The following CCIN variants were observed in gnomAD, a reference collection of about 807,000 sequenced individuals.
CCIN encodes the protein testis tissue sperm-binding protein Li 65n.
A neutral mutation model predicts 32.2 loss-of-function variants in CCIN; 15 were observed. The ratio of observed to expected loss-of-function variants is 0.47; its 90% CI spans 0.31 to 0.72. The LOEUF (loss-of-function observed/expected upper bound fraction) is 0.72. CCIN is among the 30% of genes least tolerant of loss of function. The pLI, the probability that CCIN is intolerant of heterozygous loss-of-function variation, is 0.05. For missense variants in CCIN, 623 were observed against 759.4 expected (o/e 0.82, Z 2.11); for synonymous variants, 302 against 297.4 (o/e 1.02, Z -0.16).
rs1400987172 is a variant in CCIN at position 36,169,495 on chromosome 9, G to A, written c.-8G>A. 6.2e-7 allele frequency: 1 copy of A among 1,614,070 alleles called. No individual in the cohort carries two copies. Among genetic ancestry groups the A allele is most frequent in the Admixed American group, 1.7e-5 (1 of 60,022 alleles). On this transcript the variant is annotated 5_prime_UTR_variant, in exon 1 of 1. Transcript: ENST00000335119. ...GCTGCTGATCTGTTTCAGCCGACAA[G>A]AGGCACCATGAAATTGGAATTCACG...
rs761530671 is a variant in CCIN at position 36,170,137 on chromosome 9, G to A, written c.635G>A (p.Arg212Gln). 4.3e-6 allele frequency: 7 copies of A among 1,614,218 alleles called. No individual in the cohort carries two copies. Among genetic ancestry groups the A allele is most frequent in the East Asian group, 2.2e-5 (1 of 44,888 alleles). The change falls in exon 1 of 1, where the codon CGG (arginine) becomes CAG (glutamine). Residue 212 changes from arginine (R) to glutamine (Q), a missense_variant. By Grantham distance (43) the Arg-to-Gln change is conservative (BLOSUM62 1). Transcript: ENST00000335119. ...TGGGTGTACTTCCGGAAGGAGGATCGGGAGAAGTATTTCAAGAAGTTCTTC... is the reference window on the plus strand; with the variant it reads ...TGGGTGTACTTCCGGAAGGAGGATCAGGAGAAGTATTTCAAGAAGTTCTTC... Reference protein sequence around the residue: ...INWVYFRKEDREKYFKKFFNY... With the variant: ...INWVYFRKEDQEKYFKKFFNY...
At position 36,170,254 on chromosome 9, in the gene CCIN, C is replaced by T; in HGVS notation, c.752C>T (p.Thr251Ile). Reference sequence around the variant, plus strand: ...ATGGAGAACACCTCATCCCATACAACCCTGATTGAGAGTGTCCTGATGGAC... The same window carrying T: ...ATGGAGAACACCTCATCCCATACAATCCTGATTGAGAGTGTCCTGATGGAC... ...VGMENTSSHT[T>I]LIESVLMDRK... Residue 251 changes from threonine to isoleucine, a missense_variant, in exon 1 of 1, where the codon ACC becomes ATC. Physicochemically the swap from Thr to Ile is moderately conservative, Grantham distance 89 (BLOSUM62 -1). Coordinates refer to ENST00000335119, the MANE Select transcript of CCIN (RefSeq NM_005893.3). 3 of 1,614,170 alleles carry T rather than the reference C, an allele frequency of 1.9e-6. No homozygotes were observed. Among genetic ancestry groups the T allele is most frequent in the Non-Finnish European group, 1.7e-6 (2 of 1,180,012 alleles).
At position 36,169,766 on chromosome 9, in the gene CCIN, C is replaced by T; in HGVS notation, c.264C>T (p.Tyr88=). ...TCACAGTGGACCAGCTTCTGGACTACTTCTATAGCGGCAAGGTGGTGATCT... is the reference window on the plus strand; with the variant it reads ...TCACAGTGGACCAGCTTCTGGACTATTTCTATAGCGGCAAGGTGGTGATCT... ...SPVTVDQLLD[Y]FYSGKVVISE... is the part of the protein sequence containing the mutation. The change falls in exon 1 of 1, where the codon TAC becomes TAT. Residue 88 remains tyrosine, a synonymous_variant. Transcript: ENST00000335119. 1.9e-6 allele frequency: 3 copies of T among 1,614,208 alleles called. No individual in the cohort carries two copies. The highest frequency in any genetic ancestry group is 2.5e-6 in the Non-Finnish European group (3 of 1,180,038).
chr9:36,169,823 G>A lies in CCIN; in HGVS notation c.321G>A (p.Gly107=), dbSNP rs147982335. The change falls in exon 1 of 1, where the codon GGG becomes GGA. Residue 107 remains glycine (G), a synonymous_variant. Coordinates refer to ENST00000335119, the MANE Select transcript of CCIN (RefSeq NM_005893.3). ...AAAATGTGGAGGAGCTGCTTCGTGG[G>A]GCTCAGTATTTCAACACACCACGCC... ...SEQNVEELLR[G]AQYFNTPRLR... 18 of 1,614,022 alleles carry A rather than the reference G, an allele frequency of 1.1e-5. No individual in the cohort carries two copies. The Admixed American group carries it at 1.7e-4, about 15-fold the overall frequency.
In CCIN at chr9:36,171,126, A is replaced by G; in HGVS notation, c.1624A>G (p.Lys542Glu). 2 of 1,614,198 alleles carry G rather than the reference A, an allele frequency of 1.2e-6. No homozygotes were observed. The highest frequency in any genetic ancestry group is 1.7e-6 in the Non-Finnish European group (2 of 1,180,036). ...CACCACTGCCAGCGATGTCCAGACA[A>G]AGGACTACACCATCAATCCAAATGC... ...GVTTASDVQT[K>E]DYTINPNAFL... Residue 542 changes from lysine to glutamate, a missense_variant, in exon 1 of 1, where the codon AAG becomes GAG. Transcript: ENST00000335119.
In CCIN at chr9:36,169,670, C is replaced by T. The variant is rs574443599; in HGVS notation, c.168C>T (p.Leu56=). 6.8e-6 allele frequency: 11 copies of T among 1,614,210 alleles called. No individual in the cohort carries two copies. Among genetic ancestry groups the T allele is most frequent in the Admixed American group, 3.3e-5 (2 of 60,024 alleles). ...LAAVSPLVRS[L]ISSNDMKTAD... is the part of the protein sequence containing the mutation. Reference sequence around the variant, plus strand: ...CTGTCTCCCCACTGGTGAGGAGCCTCATCTCCAGCAATGACATGAAGACCG... The same window carrying T: ...CTGTCTCCCCACTGGTGAGGAGCCTTATCTCCAGCAATGACATGAAGACCG... Residue 56 remains leucine, a synonymous_variant, in exon 1 of 1, where the codon CTC becomes CTT. Coordinates refer to ENST00000335119, the MANE Select transcript of CCIN (RefSeq NM_005893.3).
rs1240070673 is a variant in CCIN at position 36,169,452 on chromosome 9, G to A, written c.-51G>A. 2.5e-6 allele frequency: 4 copies of A among 1,580,538 alleles called. No individual in the cohort carries two copies. Among genetic ancestry groups the A allele is most frequent in the Non-Finnish European group, 3.5e-6 (4 of 1,152,758 alleles). On this transcript the variant is annotated 5_prime_UTR_variant, in exon 1 of 1. Transcript: ENST00000335119. ...AATCTGATCCCACAGGCCTGAGAAA[G>A]TCTGCTCTCCAGTACCTGCTGCTGA...
chr9:36,169,627 A>T lies in CCIN; in HGVS notation c.125A>T (p.His42Leu), dbSNP rs746986151. 6.2e-7 allele frequency: 1 copy of T among 1,614,080 alleles called. No individual in the cohort carries two copies. The highest frequency in any genetic ancestry group is 1.3e-5 in the African/African-American group (1 of 74,932). The change falls in exon 1 of 1, where the codon CAT (histidine) becomes CTT (leucine). Residue 42 changes from histidine to leucine, a missense_variant. By Grantham distance (99) the His-to-Leu change is moderately conservative. Coordinates refer to ENST00000335119, the MANE Select transcript of CCIN (RefSeq NM_005893.3). ...LSVDNHVFFAHRNVLAAVSPL... is the reference protein window; with the variant it reads ...LSVDNHVFFALRNVLAAVSPL... ...GTGGACAACCACGTCTTCTTTGCAC[A>T]TCGCAATGTGCTGGCTGCTGTCTCC...
In CCIN at chr9:36,169,482, T is replaced by C; in HGVS notation, c.-21T>C. On this transcript the variant is annotated 5_prime_UTR_variant, in exon 1 of 1. Coordinates refer to ENST00000335119, the MANE Select transcript of CCIN (RefSeq NM_005893.3). ...CTCTCCAGTACCTGCTGCTGATCTGTTTCAGCCGACAAGAGGCACCATGAA... is the reference window on the plus strand; with the variant it reads ...CTCTCCAGTACCTGCTGCTGATCTGCTTCAGCCGACAAGAGGCACCATGAA... 1 of 1,613,204 alleles carries C rather than the reference T, an allele frequency of 6.2e-7. No individual in the cohort carries two copies. The highest frequency in any genetic ancestry group is 8.5e-7 in the Non-Finnish European group (1 of 1,179,300).
Position 36,169,860 on chromosome 9 carries a change from T to C in CCIN, c.358T>C (p.Cys120Arg). 6.2e-7 allele frequency: 1 copy of C among 1,614,168 alleles called. No homozygotes were observed. The highest frequency in any genetic ancestry group is 8.5e-7 in the Non-Finnish European group (1 of 1,180,024). The change falls in exon 1 of 1, where the codon TGT (cysteine) becomes CGT (arginine). Residue 120 changes from cysteine to arginine, a missense_variant. By Grantham distance (180) the Cys-to-Arg change is radical. Coordinates refer to ENST00000335119, the MANE Select transcript of CCIN (RefSeq NM_005893.3). Reference sequence around the variant, plus strand: ...CAACACACCACGCCTTCGAGTTCACTGTAACGACTTCCTTATTAAGTCCAT... The same window carrying C: ...CAACACACCACGCCTTCGAGTTCACCGTAACGACTTCCTTATTAAGTCCAT... Reference protein sequence around the residue: ...YFNTPRLRVHCNDFLIKSICR... With the variant: ...YFNTPRLRVHRNDFLIKSICR...
chr9:36,170,685 CG>C lies in CCIN; in HGVS notation c.1184del (p.Arg395ProfsTer15). 1 of 1,614,266 alleles carries C rather than the reference CG, an allele frequency of 6.2e-7. No homozygotes were observed. Among genetic ancestry groups the C allele is most frequent in the South Asian group, 1.1e-5 (1 of 91,086 alleles). ...AAGGCGGTATGTCTCCAACATCTAT[CG>C]CTATGATGAGCGGAAGGAAGTCTGG... ...APRRYVSNIY[R>X]YDERKEVWCL... On this transcript the variant is annotated frameshift_variant, in exon 1 of 1. Coordinates refer to ENST00000335119, the MANE Select transcript of CCIN (RefSeq NM_005893.3). LOFTEE classifies it high-confidence loss of function.
Position 36,169,601 on chromosome 9 carries a change from T to A in CCIN, c.99T>A (p.Ser33Arg). The change falls in exon 1 of 1, where the codon AGT becomes AGA. Residue 33 changes from serine (S) to arginine (R), a missense_variant. Ser to Arg is a moderately radical substitution (Grantham distance 110, BLOSUM62 -1). Transcript: ENST00000335119. ...AAGAGTACTGGGACATGGCCCTGAG[T>A]GTGGACAACCACGTCTTCTTTGCAC... ...KRKEYWDMAL[S>R]VDNHVFFAHR... The A allele has an allele frequency of 6.2e-7, 1 of 1,613,992 alleles. No homozygotes were observed. The highest frequency in any genetic ancestry group is 1.3e-5 in the African/African-American group (1 of 74,974).
In CCIN at chr9:36,169,850, T is replaced by C. The variant is rs756062968; in HGVS notation, c.348T>C (p.Leu116=). Residue 116 remains leucine (L), a synonymous_variant, in exon 1 of 1, where the codon CTT becomes CTC. Coordinates refer to ENST00000335119, the MANE Select transcript of CCIN (RefSeq NM_005893.3). ...CTCAGTATTTCAACACACCACGCCT[T>C]CGAGTTCACTGTAACGACTTCCTTA... The part of the protein sequence containing the change: ...RGAQYFNTPR[L]RVHCNDFLIK... The C allele has an allele frequency of 6.2e-7, 1 of 1,614,148 alleles. No homozygotes were observed. The highest frequency in any genetic ancestry group is 1.1e-5 in the South Asian group (1 of 91,086).
chr9:36,170,607 A>G lies in CCIN; in HGVS notation c.1105A>G (p.Thr369Ala), dbSNP rs1207770774. 1 of 1,613,916 alleles carries G rather than the reference A, an allele frequency of 6.2e-7. No homozygotes were observed. The highest frequency in any genetic ancestry group is 1.3e-5 in the African/African-American group (1 of 74,942). ...CCTGCCCATCGGGCTTGTCTTCCAC[A>G]CCATGGTGACCTGTGGGGGGACAGT... The part of the protein sequence containing the change: ...PDLPIGLVFH[T>A]MVTCGGTVYS... The change falls in exon 1 of 1, where the codon ACC becomes GCC. Residue 369 changes from threonine to alanine, a missense_variant. Physicochemically the swap from Thr to Ala is moderately conservative, Grantham distance 58 (BLOSUM62 0). Coordinates refer to ENST00000335119, the MANE Select transcript of CCIN (RefSeq NM_005893.3).
In CCIN at chr9:36,169,787, G is replaced by C. The variant is rs781301360; in HGVS notation, c.285G>C (p.Val95=). 6.2e-7 allele frequency: 1 copy of C among 1,614,212 alleles called. No homozygotes were observed. Among genetic ancestry groups the C allele is most frequent in the South Asian group, 1.1e-5 (1 of 91,078 alleles). The change falls in exon 1 of 1, where the codon GTG becomes GTC. Residue 95 remains valine, a synonymous_variant. Coordinates refer to ENST00000335119, the MANE Select transcript of CCIN (RefSeq NM_005893.3). ...ACTACTTCTATAGCGGCAAGGTGGTGATCTCCGAGCAAAATGTGGAGGAGC... is the reference window on the plus strand; with the variant it reads ...ACTACTTCTATAGCGGCAAGGTGGTCATCTCCGAGCAAAATGTGGAGGAGC... ...LLDYFYSGKV[V]ISEQNVEELL...
Position 36,169,594 on chromosome 9 carries a change from C to T in CCIN, c.92C>T (p.Ala31Val), listed in dbSNP as rs761309094. The change falls in exon 1 of 1, where the codon GCC (alanine) becomes GTC (valine). Residue 31 changes from alanine (A) to valine (V), a missense_variant. Physicochemically the swap from Ala to Val is moderately conservative, Grantham distance 64. Coordinates refer to ENST00000335119, the MANE Select transcript of CCIN (RefSeq NM_005893.3). ...AAACGCAAAGAGTACTGGGACATGGCCCTGAGTGTGGACAACCACGTCTTC... is the reference window on the plus strand; with the variant it reads ...AAACGCAAAGAGTACTGGGACATGGTCCTGAGTGTGGACAACCACGTCTTC... Reference protein sequence around the residue: ...QRKRKEYWDMALSVDNHVFFA... With the variant: ...QRKRKEYWDMVLSVDNHVFFA... The T allele has an allele frequency of 1.2e-6, 2 of 1,614,220 alleles. No homozygotes were observed. The highest frequency in any genetic ancestry group is 2.2e-5 in the South Asian group (2 of 91,086).
rs1826279310 is a variant in CCIN at position 36,169,595 on chromosome 9, C to T, written c.93C>T (p.Ala31=). 6.2e-7 allele frequency: 1 copy of T among 1,614,190 alleles called. No individual in the cohort carries two copies. Among genetic ancestry groups the T allele is most frequent in the Non-Finnish European group, 8.5e-7 (1 of 1,180,048 alleles). ...AACGCAAAGAGTACTGGGACATGGC[C>T]CTGAGTGTGGACAACCACGTCTTCT... ...QRKRKEYWDM[A]LSVDNHVFFA... is the part of the protein sequence containing the mutation. Residue 31 remains alanine (A), a synonymous_variant, in exon 1 of 1, where the codon GCC becomes GCT. Transcript: ENST00000335119.
rs751920077 is a variant in CCIN at position 36,169,656 on chromosome 9, C to T, written c.154C>T (p.Leu52=). ...CAATGTGCTGGCTGCTGTCTCCCCACTGGTGAGGAGCCTCATCTCCAGCAA... is the reference window on the plus strand; with the variant it reads ...CAATGTGCTGGCTGCTGTCTCCCCATTGGTGAGGAGCCTCATCTCCAGCAA... ...HRNVLAAVSP[L]VRSLISSNDM... Residue 52 remains leucine (L), a synonymous_variant, in exon 1 of 1, where the codon CTG becomes TTG. Coordinates refer to ENST00000335119, the MANE Select transcript of CCIN (RefSeq NM_005893.3). The T allele has an allele frequency of 1.2e-6, 2 of 1,614,242 alleles. No individual in the cohort carries two copies. Among genetic ancestry groups the T allele is most frequent in the South Asian group, 2.2e-5 (2 of 91,090 alleles).
At position 36,169,400 on chromosome 9, in the gene CCIN, TG is replaced by T; in HGVS notation, c.-101del. ...CCTCTCTTCCACCCTCTCTTCTCCC[TG>T]GTCAACCGCTCTGCAAACAACCATC... On this transcript the variant is annotated 5_prime_UTR_variant, in exon 1 of 1. Coordinates refer to ENST00000335119, the MANE Select transcript of CCIN (RefSeq NM_005893.3). The T allele has an allele frequency of 8.8e-7, 1 of 1,141,336 alleles. No homozygotes were observed. Among genetic ancestry groups the T allele is most frequent in the Non-Finnish European group, 1.3e-6 (1 of 777,050 alleles). The allele number at this position is 1,141,336 out of a possible 1,614,324, so 70.7% of individuals were successfully genotyped here. A position where few individuals can be genotyped will look rare whatever the true frequency, so the allele number is the denominator to read the frequency against.
Sources: gnomAD v4.1 joint callset for allele counts on GRCh38, gnomAD v4.1.1 for gene constraint, MANE v1.5 for transcripts, NCBI Gene and HGNC (gene_info 2026-07-23, HGNC 2026-07-21) for gene names.